The following CFAP299 variants were observed in gnomAD, a reference collection of about 807,000 sequenced individuals.
CFAP299 encodes cilia- and flagella-associated protein 299.
CFAP299 carries 21 observed loss-of-function variants against 27.0 expected under a neutral mutation model. That is an observed-to-expected ratio of 0.78 (90% CI 0.55 to 1.12). The LOEUF is 1.12. Among genes scored for constraint, CFAP299 ranks in the 50% most tolerant of loss-of-function variants. CFAP299 has a pLI of 0.00. For synonymous variants in CFAP299, 104 were observed against 98.1 expected, an observed-to-expected ratio of 1.06 and a Z score of -0.36; for missense variants, 310 against 276.6, an observed-to-expected ratio of 1.12 and a Z score of -0.86.
intron 3 of CFAP299, among the ~76,000 whole-genome samples, chr4:80,735,563 G>A (rs1723807302): frequency 6.6e-6 from 1 of 152,108 alleles, no homozygotes. Context: ...TAAGATACTA[G>A]CTGTGGGTCT....
chr4:80,390,687 A>ATACATG lies in CFAP299; in HGVS notation c.242+27805_242+27806insCATGTA, dbSNP rs1491546982. Among the ~76,000 whole-genome samples, 3 of 145,326 alleles carry ATACATG rather than the reference A, an allele frequency of 2.1e-5. No individual in the cohort carries two copies. The South Asian group carries it at 6.4e-4, about 31-fold the overall frequency. ...TATATATGTATACATGTATACACAC[A>ATACATG]TATATGTGTATATATGTATATATGT... On this transcript the variant is annotated intron_variant, in intron 2 of 5. Coordinates refer to ENST00000358105, the MANE Select transcript of CFAP299 (RefSeq NM_152770.3).
At chr4:80,933,879 G>A (rs1341066637) in intron 4 of CFAP299, among the ~76,000 whole-genome samples, 1 of 151,996 alleles carries the variant, frequency 6.6e-6, no homozygotes, top group African/African-American at 2.4e-5. Context: ...GCAAACAGAG[G>A]CAATTTTACT....
At chr4:80,703,888 C>T (rs1024709777) in intron 3 of CFAP299, among the ~76,000 whole-genome samples, 3 of 151,676 alleles carry the variant, frequency 2.0e-5, no homozygotes, top group East Asian at 3.9e-4. Context: ...AAGAAACCAG[C>T]GTCTGGGGAA....
chr4:80,737,423 T>G (rs1723974106), intron 3 of CFAP299, among the ~76,000 whole-genome samples: 1 of 152,190 alleles, frequency 6.6e-6, no homozygotes, highest in African/African-American at 2.4e-5. Flanking sequence ...TCTCAGGCTT[T>G]TCTTTTCTGG....
At chr4:80,386,518 G>A (rs575580604) in intron 2 of CFAP299, 2 of 1,491,932 alleles carry the variant, frequency 1.3e-6, no homozygotes, top group African/African-American at 1.4e-5. Context: ...GTGGTGGGGG[G>A]GGGGGGTGCC....
At chr4:80,387,797 G>T (rs1725097853) in intron 2 of CFAP299, 2 of 1,583,672 alleles carry the variant, frequency 1.3e-6, no homozygotes, top group Admixed American at 3.3e-5. Context: ...GGGCACTTGA[G>T]TTTCTGAGCC....
intron 4 of CFAP299, among the ~76,000 whole-genome samples, chr4:80,938,684 G>A (rs1270948656): frequency 1.3e-5 from 2 of 152,118 alleles, no homozygotes; most frequent in Admixed American, 6.5e-5. Flanking sequence ...GGGTCTCCCC[G>A]ACTGAGCTGG....
At chr4:80,411,713 GAGA>G (rs1341401787) in intron 2 of CFAP299, among the ~76,000 whole-genome samples, 1 of 151,978 alleles carries the variant, frequency 6.6e-6, no homozygotes, top group Non-Finnish European at 1.5e-5. Context: ...GGAAGTTTAT[GAGA>G]CAAATAGGTG....
intron 2 of CFAP299, among the ~76,000 whole-genome samples, chr4:80,561,942 A>T (rs1194718063): frequency 6.6e-6 from 1 of 152,162 alleles, no homozygotes; most frequent in East Asian, 1.9e-4. Flanking sequence ...TAACTACAAC[A>T]ACTTTTTAAG....
intron 3 of CFAP299, among the ~76,000 whole-genome samples, chr4:80,664,555 T>A (rs1022592033): frequency 2.0e-5 from 3 of 152,012 alleles, no homozygotes; most frequent in Non-Finnish European, 2.9e-5. Context: ...TACTCAAGCC[T>A]CAGTAATGGT....
chr4:80,868,291 T>C (rs1043616588), intron 3 of CFAP299, among the ~76,000 whole-genome samples: 31 of 152,338 alleles, frequency 2.0e-4, no homozygotes, highest in Middle Eastern at 3.4e-3. Context: ...TCCTTTTGCC[T>C]GAAATATATC....
At chr4:80,919,268 C>A (rs1735920117) in intron 4 of CFAP299, among the ~76,000 whole-genome samples, 1 of 152,120 alleles carries the variant, frequency 6.6e-6, no homozygotes, top group Non-Finnish European at 1.5e-5. Flanking sequence ...GGTTATAATA[C>A]AATGTATTAT....
At chr4:80,852,636 C>A (rs943236440) in intron 3 of CFAP299, among the ~76,000 whole-genome samples, 7 of 152,194 alleles carry the variant, frequency 4.6e-5, no homozygotes, top group Non-Finnish European at 1.0e-4. Flanking sequence ...AAAGAACCAA[C>A]TTCCTTTCTC....
At chr4:80,501,675 T>C (rs1731755365) in intron 2 of CFAP299, among the ~76,000 whole-genome samples, 1 of 151,470 alleles carries the variant, frequency 6.6e-6, no homozygotes, top group African/African-American at 2.4e-5. Context: ...GCTCAACAGT[T>C]TGAATTTGTC....
chr4:80,483,914 CA>C lies in CFAP299; in HGVS notation c.243-99178del, dbSNP rs545193789. The stretch of plus-strand genomic sequence containing the variant: ...CCAATTGTAACATTTGACTTTTTAG[CA>C]GTAGTGTTGAAAGCATTAACTTTTT... On this transcript the variant is annotated intron_variant, in intron 2 of 5. Transcript: ENST00000358105. Among the ~76,000 whole-genome samples the C allele has an allele frequency of 3.8e-3, 577 of 152,200 alleles. 3 individuals are homozygous for C. The highest frequency in any genetic ancestry group is 6.5e-3 in the Non-Finnish European group (445 of 67,978).
chr4:80,685,775 AT>A (rs1327313111), intron 3 of CFAP299, among the ~76,000 whole-genome samples: 16 of 151,894 alleles, frequency 1.1e-4, no homozygotes, highest in Non-Finnish European at 1.8e-4. Context: ...ATAATGCTGA[AT>A]TTTTTTTCCT....
At chr4:80,843,097 A>G (rs1204052971) in intron 3 of CFAP299, among the ~76,000 whole-genome samples, 1 of 151,470 alleles carries the variant, frequency 6.6e-6, no homozygotes, top group Non-Finnish European at 1.5e-5. Context: ...TATTTTTATT[A>G]TACTTTAAGT....
intron 2 of CFAP299, among the ~76,000 whole-genome samples, chr4:80,372,775 C>G (rs530373583): frequency 1.3e-5 from 2 of 152,278 alleles, no homozygotes; most frequent in Admixed American, 6.5e-5. Context: ...CCAACCAGCC[C>G]AGATTCCATT....
chr4:80,478,735 T>C (rs1730407396), intron 2 of CFAP299, among the ~76,000 whole-genome samples: 1 of 151,818 alleles, frequency 6.6e-6, no homozygotes, highest in South Asian at 2.1e-4. Flanking sequence ...TAATAAAAAA[T>C]AAGATCTAAA....
Sources: allele counts gnomAD v4.1 joint callset (sites outside exome capture counted in the v4.1 genomes callset), GRCh38; gene constraint gnomAD v4.1.1; transcripts MANE v1.5; gene names NCBI Gene and HGNC (gene_info 2026-07-23, HGNC 2026-07-21).